Variants in HDAC9 observed in about 807,000 individuals in gnomAD.
HDAC9 encodes the protein histone deacetylase 9.
HDAC9 carries 41 observed loss-of-function variants against 139.4 expected under a neutral mutation model. The observed-to-expected ratio is 0.29, with a 90% CI of 0.23 to 0.38. The LOEUF is 0.38. Among genes scored for constraint, HDAC9 ranks in the 10% least tolerant of loss-of-function variants. The pLI is 1.00. For missense variants in HDAC9, 1,147 were observed against 1,297.0 expected (o/e 0.88, Z 1.78); for synonymous variants, 517 against 476.2 (o/e 1.09, Z -1.12).
chr7:18,732,853 A>T lies in HDAC9; in HGVS notation c.1909+5096A>T, dbSNP rs532086481. On this transcript the variant is annotated intron_variant, in intron 13 of 25. Coordinates refer to ENST00000686413, the MANE Select transcript of HDAC9 (RefSeq NM_178425.4). ...TGCGTATGTGTACACACACGTGTGT[A>T]TGTGTGCGTATGTGTACACACACAC... Among the ~76,000 whole-genome samples, 22 of 59,982 alleles carry T rather than the reference A, an allele frequency of 3.7e-4. 4 individuals are homozygous for T. The highest frequency in any genetic ancestry group is 7.3e-4 in the Non-Finnish European group (21 of 28,780). The allele number at this position is 59,982 out of a possible 152,430, so 39.4% of individuals were successfully genotyped here. A position where few individuals can be genotyped will look rare whatever the true frequency, so the allele number is the denominator to read the frequency against.
intron 23 of HDAC9, among the ~76,000 whole-genome samples, chr7:18,938,734 GT>G (rs1483372483): frequency 1.1e-4 from 16 of 152,232 alleles, no homozygotes; most frequent in African/African-American, 3.6e-4. Context: ...GGAGGCATCT[GT>G]TTGAAAATCA....
chr7:18,234,332 A>G (rs149625652), intron 2 of HDAC9, among the ~76,000 whole-genome samples: 163 of 152,324 alleles, frequency 1.1e-3, no homozygotes, highest in African/African-American at 3.7e-3. Flanking sequence ...TAAATTGCCA[A>G]TATGTAGAAG....
intron 3 of HDAC9, among the ~76,000 whole-genome samples, chr7:18,590,028 A>G (rs1262345008): frequency 6.6e-6 from 1 of 152,188 alleles, no homozygotes; most frequent in East Asian, 1.9e-4. Context: ...TTGTATGTTC[A>G]AAGAAAAGTC....
chr7:18,745,155 AAG>A (rs201430213), intron 13 of HDAC9, among the ~76,000 whole-genome samples: 3,198 of 152,294 alleles, frequency 0.021, 44 homozygotes, highest in Non-Finnish European at 0.032. Context: ...TGAGAAGCCA[AAG>A]AGAGAGAATG....
chr7:18,773,407 A>ACG (rs1790490818), intron 16 of HDAC9, among the ~76,000 whole-genome samples: 1 of 141,850 alleles, frequency 7.0e-6, no homozygotes, highest in Admixed American at 7.2e-5. Context: ...ACACACACAC[A>ACG]CACAAAAGCA....
At chr7:18,512,800 A>G (rs900487155) in intron 2 of HDAC9, among the ~76,000 whole-genome samples, 1 of 152,352 alleles carries the variant, frequency 6.6e-6, no homozygotes, top group Middle Eastern at 3.4e-3. Context: ...AACAAGGCAT[A>G]CTGATTCCAG....
chr7:18,465,495 A>G (rs1348110036), intron 1 of HDAC9, among the ~76,000 whole-genome samples: 2 of 152,150 alleles, frequency 1.3e-5, no homozygotes, highest in African/African-American at 4.8e-5. Flanking sequence ...TGAATTTTGC[A>G]GCTTTCATTT....
At chr7:18,604,339 A>G (rs923007917) in intron 6 of HDAC9, among the ~76,000 whole-genome samples, 1 of 151,352 alleles carries the variant, frequency 6.6e-6, no homozygotes, top group African/African-American at 2.4e-5. Flanking sequence ...GGGAGTTTCT[A>G]TTGACATATC....
chr7:18,266,406 A>G (rs1796004868), intron 2 of HDAC9, among the ~76,000 whole-genome samples: 1 of 131,530 alleles, frequency 7.6e-6, no homozygotes, highest in South Asian at 2.5e-4. Flanking sequence ...GAATCATTCA[A>G]GTAAAAATGT....
At chr7:18,810,149 A>G (rs1392441750) in intron 17 of HDAC9, among the ~76,000 whole-genome samples, 6 of 151,948 alleles carry the variant, frequency 3.9e-5, no homozygotes, top group Non-Finnish European at 7.4e-5. Context: ...AGTTGAGCTC[A>G]TAGAAACAGG....
At chr7:18,182,856 G>C (rs1789560008) in intron 2 of HDAC9, among the ~76,000 whole-genome samples, 1 of 152,076 alleles carries the variant, frequency 6.6e-6, no homozygotes, top group Non-Finnish European at 1.5e-5. Context: ...TCAGAAGAGA[G>C]GTCACAGTCA....
intron 2 of HDAC9, among the ~76,000 whole-genome samples, chr7:18,581,750 A>C (rs1380087960): frequency 1.3e-5 from 2 of 152,148 alleles, no homozygotes; most frequent in African/African-American, 2.4e-5. Context: ...AATATTCAAA[A>C]TCTCATGTTA....
At chr7:18,868,315 C>T (rs1290819222) in intron 21 of HDAC9, among the ~76,000 whole-genome samples, 1 of 152,108 alleles carries the variant, frequency 6.6e-6, no homozygotes, top group African/African-American at 2.4e-5. Context: ...CCATAAATGA[C>T]AAAATAAGGA....
intron 6 of HDAC9, among the ~76,000 whole-genome samples, chr7:18,611,530 C>G (rs1431541787): frequency 6.6e-6 from 1 of 152,058 alleles, no homozygotes; most frequent in Admixed American, 6.6e-5. Context: ...GAGAGGTTTA[C>G]TAACTTTCCT....
At chr7:18,383,767 C>T (rs1417776137) in intron 1 of HDAC9, among the ~76,000 whole-genome samples, 4 of 150,250 alleles carry the variant, frequency 2.7e-5, no homozygotes, top group African/African-American at 9.8e-5. Context: ...CGGGCGTCTG[C>T]AGTCCCAGCT....
intron 1 of HDAC9, among the ~76,000 whole-genome samples, chr7:18,472,996 G>C (rs1794838153): frequency 6.6e-6 from 1 of 152,122 alleles, no homozygotes; most frequent in Non-Finnish European, 1.5e-5. Context: ...CATATGCACA[G>C]CAATCCAGAT....
intron 2 of HDAC9, among the ~76,000 whole-genome samples, chr7:18,238,837 ATAAT>A (rs1400462900): frequency 6.6e-6 from 1 of 152,232 alleles, no homozygotes; most frequent in Non-Finnish European, 1.5e-5. Context: ...ACATAATCTA[ATAAT>A]TAATTGTCTG....
chr7:18,324,076 T>C (rs1585177156), intron 1 of HDAC9, among the ~76,000 whole-genome samples: 1 of 151,770 alleles, frequency 6.6e-6, no homozygotes, highest in East Asian at 1.9e-4. Flanking sequence ...CACGTCCAAA[T>C]ACAATCACAC....
intron 2 of HDAC9, among the ~76,000 whole-genome samples, chr7:18,225,230 CCTTATATAGGTAAAGAGAGAAGTTATA>C (rs1187140742): frequency 6.6e-6 from 1 of 152,112 alleles, no homozygotes; most frequent in Non-Finnish European, 1.5e-5. Flanking sequence ...TTTATTTTAT[CCTTATATAGGTAAAGAGAGAAGTTATA>C]CACTGAGTAT....
Sources: gnomAD v4.1 joint callset for allele counts (sites outside exome capture counted in the v4.1 genomes callset) on GRCh38, gnomAD v4.1.1 for gene constraint, MANE v1.5 for transcripts, NCBI Gene and HGNC (gene_info 2026-07-23, HGNC 2026-07-21) for gene names.